Variants in CYREN observed in about 807,000 individuals in gnomAD.
CYREN encodes the protein cell cycle regulator of non-homologous end joining.
CYREN carries 7 observed loss-of-function variants against 9.7 expected under a neutral mutation model. The ratio of observed to expected loss-of-function variants is 0.72; its 90% CI spans 0.41 to 1.36. The LOEUF (loss-of-function observed/expected upper bound fraction) is 1.36, where lower values mean the gene tolerates loss of function less well. Ranked by LOEUF, CYREN falls within the 40% of genes most tolerant of loss-of-function variation. The probability of loss-of-function intolerance (pLI) is 0.01; values close to 1 mark genes in which losing one functional copy is unlikely to be tolerated. For synonymous variants in CYREN, 76 were observed against 77.9 expected (o/e 0.98, Z 0.13); for missense variants, 215 against 198.1 (o/e 1.09, Z -0.51).
At chr7:135,166,986 C>T (rs1830199798) in intron 3 of CYREN, 115 bp from the exon 4 acceptor site, 3 of 1,519,780 alleles carry the variant, frequency 2.0e-6, no homozygotes, top group East Asian at 2.3e-5. Context: ...TGTGACCAGG[C>T]CAGGCAATGT....
chr7:135,158,865 G>A (rs1247734266), intron 2 of CYREN, among the ~76,000 whole-genome samples: 2 of 152,172 alleles, frequency 1.3e-5, no homozygotes, highest in Non-Finnish European at 2.9e-5. Flanking sequence ...CCAGTATCTA[G>A]GCTCTCAAAA....
intron 2 of CYREN, among the ~76,000 whole-genome samples, chr7:135,106,784 A>T: frequency 6.6e-6 from 1 of 152,164 alleles, no homozygotes; most frequent in Non-Finnish European, 1.5e-5. Context: ...TTTCAGTAGG[A>T]ATGGTACCAG....
downstream of CYREN, chr7:135,165,763 A>G (rs1337186412): frequency 1.2e-5 from 2 of 167,124 alleles, no homozygotes; most frequent in Non-Finnish European, 2.9e-5. Flanking sequence ...CAGAACTTGG[A>G]AAGACATTAG....
chr7:135,164,276 AC>A, downstream of CYREN: 1 of 634,902 alleles, frequency 1.6e-6, no homozygotes, highest in Non-Finnish European at 2.7e-6. Flanking sequence ...GTTACCTCAG[AC>A]TTCTGGTCCT....
chr7:135,145,231 A>G (rs1585335667), intron 2 of CYREN, among the ~76,000 whole-genome samples: 1 of 152,206 alleles, frequency 6.6e-6, no homozygotes, highest in African/African-American at 2.4e-5. Context: ...TTTTATATTC[A>G]GTCTAAATTT....
chr7:135,159,305 C>T (rs1267985967), intron 2 of CYREN, among the ~76,000 whole-genome samples: 2 of 152,232 alleles, frequency 1.3e-5, no homozygotes, highest in Non-Finnish European at 2.9e-5. Context: ...CGAAAATTTA[C>T]TCTTTCAATA....
At chr7:135,140,121 AG>A (rs1328973155) in intron 2 of CYREN, among the ~76,000 whole-genome samples, 12 of 152,042 alleles carry the variant, frequency 7.9e-5, no homozygotes, top group Non-Finnish European at 1.5e-4. Flanking sequence ...AGTTTGATAA[AG>A]AATACATTGA....
At position 135,166,812 on chromosome 7, in the gene CYREN, C is replaced by G. The variant is rs771523198; in HGVS notation, c.273G>C (p.Glu91Asp). 1.1e-5 allele frequency: 18 copies of G among 1,614,112 alleles called. No homozygotes were observed. Among genetic ancestry groups the G allele is most frequent in the Non-Finnish European group, 1.5e-5 (18 of 1,180,046 alleles). Residue 91 changes from glutamate to aspartate, a missense_variant, in exon 4 of 4, where the codon GAG (glutamate) becomes GAC (aspartate). Glu to Asp is a conservative substitution (Grantham distance 45). Coordinates refer to ENST00000393114, the MANE Select transcript of CYREN (RefSeq NM_024033.4). ...QPALAGADNP[E>D]HSPPCSVSPH... ...GCGACACGGAGCAGGGAGGGGAGTG[C>G]TCTGGGTTATCAGCCCCCGCCAGGG...
At chr7:135,164,368 CAG>C, downstream of CYREN, 1 of 1,425,126 alleles carries the variant, frequency 7.0e-7, no homozygotes, top group Non-Finnish European at 9.7e-7. Flanking sequence ...TGTCTGGACA[CAG>C]GGAACAAGCA....
At chr7:135,167,308 C>T in intron 3 of CYREN, 1 of 1,070,696 alleles carries the variant, frequency 9.3e-7, no homozygotes, top group Non-Finnish European at 1.1e-6. Context: ...TGCTGTGCAA[C>T]TCTGAGGCAC....
At chr7:135,093,621 T>C (rs1160181583) in exon 3 of CYREN, 1 of 152,178 alleles carries the variant, frequency 6.6e-6, no homozygotes, top group African/African-American at 2.4e-5. Flanking sequence ...AAGCTTTAAA[T>C]AAATGGCAAG....
downstream of CYREN, chr7:135,165,115 C>G (rs1461703404): frequency 7.5e-7 from 1 of 1,338,524 alleles, no homozygotes; most frequent in African/African-American, 1.5e-5. Flanking sequence ...GAACCCACTA[C>G]AGAGGAGGTG....
At chr7:135,164,558 C>A (rs1347651737), downstream of CYREN, 1 of 1,614,114 alleles carries the variant, frequency 6.2e-7, no homozygotes, top group Admixed American at 1.7e-5. Context: ...CTGGCAACCT[C>A]ACTGACCTGC....
chr7:135,168,482 G>A (rs1830400028), intron 2 of CYREN: 2 of 450,256 alleles, frequency 4.4e-6, no homozygotes, highest in East Asian at 3.8e-5. Flanking sequence ...TTGTTGTAAA[G>A]GAAGAGACTG....
chr7:135,123,916 C>A (rs1291367269), intron 2 of CYREN, among the ~76,000 whole-genome samples: 1 of 152,118 alleles, frequency 6.6e-6, no homozygotes, highest in South Asian at 2.1e-4. Flanking sequence ...AAAACAAAAA[C>A]CAGTACCAGC....
In CYREN at chr7:135,110,460, G is replaced by T. The variant is rs151079560; in HGVS notation, n.357-15878C>A. On this transcript the variant is annotated intron_variant and non_coding_transcript_variant, in intron 2 of 2. Transcript: ENST00000459937. ...AGACTCCATGTATCAATAACCCTAT[G>T]TGTCAGACTGCAGGAATTGGTGGAG... 1.2e-3 allele frequency among the ~76,000 whole-genome samples: 190 copies of T among 152,246 alleles called. 3 individuals carry two copies. In the East Asian group the frequency reaches 0.03, roughly 24 times the overall value.
chr7:135,172,000 T>C (rs548745773), upstream of CYREN, among the ~76,000 whole-genome samples: 1 of 152,218 alleles, frequency 6.6e-6, no homozygotes, highest in Non-Finnish European at 1.5e-5. Flanking sequence ...CTTGCCCCAC[T>C]CCATGTGAGT....
rs1187040493 is a variant in CYREN, at chr7:135,168,826, TG to T, written c.96del (p.Lys33ArgfsTer3). The T allele has an allele frequency of 1.5e-5, 25 of 1,613,994 alleles. No individual in the cohort carries two copies. The highest frequency in any genetic ancestry group is 1.9e-5 in the Non-Finnish European group (23 of 1,180,000). On this transcript the variant is annotated frameshift_variant, in exon 2 of 4. Transcript: ENST00000393114. LOFTEE classifies it high-confidence loss of function. Reference protein sequence around the residue: ...ATKNVAPMKAPKRMRMAAVPV... With the variant: ...ATKNVAPMKAXKRMRMAAVPV... The stretch of plus-strand genomic sequence containing the variant: ...GGCACTGCTGCCATTCTCATCCTCT[TG>T]GGGGCCTTCATTGGTGCCACATTCT...
At chr7:135,096,558 A>AAGATAGATAGATAGAT (rs1167936702) in intron 2 of CYREN, among the ~76,000 whole-genome samples, 20,485 of 78,836 alleles carry the variant, frequency 0.26, 2,509 homozygotes, top group East Asian at 0.34. Context: ...GAAAGAAAGA[A>AAGATAGATAGATAGAT]AGATAGATAG....
Sources: allele counts gnomAD v4.1 joint callset (sites outside exome capture counted in the v4.1 genomes callset), GRCh38; gene constraint gnomAD v4.1.1; transcripts MANE v1.5; gene names NCBI Gene and HGNC (gene_info 2026-07-23, HGNC 2026-07-21).